Variants in SLC24A3 observed in about 807,000 individuals in gnomAD.
The protein encoded by SLC24A3 is sodium/potassium/calcium exchanger 3.
In SLC24A3, 28 loss-of-function variants were observed where a neutral mutation model predicts 75.8. That is an observed-to-expected ratio of 0.37 (90% CI 0.27 to 0.51). The LOEUF is 0.51. SLC24A3 is among the 20% of genes least tolerant of loss of function. The probability of loss-of-function intolerance (pLI) is 0.94; values close to 1 mark genes in which losing one functional copy is unlikely to be tolerated. For missense variants in SLC24A3, 663 were observed against 847.8 expected (o/e 0.78, Z 2.71); for synonymous variants, 372 against 334.1 (o/e 1.11, Z -1.24).
At chr20:19,601,927 T>A (rs1486426338) in intron 6 of SLC24A3, among the ~76,000 whole-genome samples, 1 of 152,160 alleles carries the variant, frequency 6.6e-6, no homozygotes, top group Non-Finnish European at 1.5e-5. Flanking sequence ...AATCCCAGCA[T>A]TTTAGGAGGC....
At chr20:19,519,420 C>T (rs2030060859) in intron 3 of SLC24A3, among the ~76,000 whole-genome samples, 1 of 152,186 alleles carries the variant, frequency 6.6e-6, no homozygotes, top group Non-Finnish European at 1.5e-5. Flanking sequence ...ACTTTCTGAA[C>T]ATCGCAGCTT....
At chr20:19,520,567 T>C (rs929419408) in intron 3 of SLC24A3, among the ~76,000 whole-genome samples, 2 of 152,160 alleles carry the variant, frequency 1.3e-5, no homozygotes, top group Non-Finnish European at 2.9e-5. Flanking sequence ...ATTCCGGAAG[T>C]CCAAGCAGGA....
intron 1 of SLC24A3, among the ~76,000 whole-genome samples, chr20:19,258,693 C>T (rs1210563695): frequency 6.8e-6 from 1 of 146,162 alleles, no homozygotes; most frequent in Non-Finnish European, 1.5e-5. Flanking sequence ...CAGAGTGAGA[C>T]TCTGTCTCCA....
intron 1 of SLC24A3, among the ~76,000 whole-genome samples, chr20:19,235,200 C>T (rs1159400404): frequency 6.6e-6 from 1 of 152,188 alleles, no homozygotes; most frequent in Non-Finnish European, 1.5e-5. Context: ...AGACCCTGGC[C>T]TGGAGCTGTA....
intron 2 of SLC24A3, among the ~76,000 whole-genome samples, chr20:19,331,142 A>G (rs1386189434): frequency 6.6e-6 from 1 of 152,228 alleles, no homozygotes; most frequent in East Asian, 1.9e-4. Context: ...AGTGCATATT[A>G]TCGGGTCAAT....
intron 3 of SLC24A3, among the ~76,000 whole-genome samples, chr20:19,539,653 A>T (rs185996026): frequency 1.3e-5 from 2 of 152,324 alleles, no homozygotes; most frequent in African/African-American, 2.4e-5. Context: ...GTCTCAACTG[A>T]CACTCCTATA....
At chr20:19,365,309 C>T (rs926065957) in intron 2 of SLC24A3, among the ~76,000 whole-genome samples, 1 of 152,168 alleles carries the variant, frequency 6.6e-6, no homozygotes, top group Non-Finnish European at 1.5e-5. Flanking sequence ...ACCCCATACC[C>T]AGTGAATCAG....
rs76815318 is a variant in SLC24A3, at chr20:19,596,130, G to A, written c.612+10586G>A. The stretch of plus-strand genomic sequence containing the variant: ...GGAGAGTTTTAAGCTGTTGACTACC[G>A]TTATGCAATTTATATTCTGGGAATA... On this transcript the variant is annotated intron_variant, in intron 6 of 16. Coordinates refer to ENST00000328041, the MANE Select transcript of SLC24A3 (RefSeq NM_020689.4). 3.8e-3 allele frequency among the ~76,000 whole-genome samples: 571 copies of A among 152,200 alleles called. 7 individuals are homozygous for A. Among genetic ancestry groups the A allele is most frequent in the African/African-American group, 0.013 (551 of 41,554 alleles).
At chr20:19,296,793 A>G (rs1984072196) in intron 2 of SLC24A3, among the ~76,000 whole-genome samples, 1 of 152,180 alleles carries the variant, frequency 6.6e-6, no homozygotes, top group East Asian at 1.9e-4. Flanking sequence ...CAGATTATAC[A>G]TTCTTCTTGG....
chr20:19,460,450 C>CG (rs1158015985), intron 2 of SLC24A3, among the ~76,000 whole-genome samples: 1 of 144,174 alleles, frequency 6.9e-6, no homozygotes, highest in East Asian at 2.0e-4. Context: ...GATTCTCTCA[C>CG]AGCTGAGTCC....
At chr20:19,365,385 A>G (rs1985869759) in intron 2 of SLC24A3, among the ~76,000 whole-genome samples, 1 of 152,164 alleles carries the variant, frequency 6.6e-6, no homozygotes, top group Non-Finnish European at 1.5e-5. Flanking sequence ...GGTTCTAGAT[A>G]CACAGCTGTA....
chr20:19,401,044 G>A (rs1385920021), intron 2 of SLC24A3, among the ~76,000 whole-genome samples: 1 of 152,032 alleles, frequency 6.6e-6, no homozygotes, highest in Non-Finnish European at 1.5e-5. Context: ...TGTGTGAGTT[G>A]CTCAACGTAA....
intron 3 of SLC24A3, among the ~76,000 whole-genome samples, chr20:19,572,042 G>A (rs538658406): frequency 2.0e-5 from 3 of 152,238 alleles, no homozygotes; most frequent in East Asian, 3.9e-4. Flanking sequence ...ACTAATAAAA[G>A]GTACATGACC....
At chr20:19,545,405 C>T (rs991248414) in intron 3 of SLC24A3, among the ~76,000 whole-genome samples, 1 of 152,218 alleles carries the variant, frequency 6.6e-6, no homozygotes, top group Non-Finnish European at 1.5e-5. Flanking sequence ...GGCATCCGCA[C>T]TTGGACAGAG....
At chr20:19,296,649 T>A (rs1265846038) in intron 2 of SLC24A3, among the ~76,000 whole-genome samples, 1 of 152,114 alleles carries the variant, frequency 6.6e-6, no homozygotes, top group Non-Finnish European at 1.5e-5. Flanking sequence ...ACAATAATAG[T>A]GGGAAACTTT....
At chr20:19,507,619 A>G (rs1490790853) in intron 2 of SLC24A3, among the ~76,000 whole-genome samples, 1 of 152,204 alleles carries the variant, frequency 6.6e-6, no homozygotes, top group Non-Finnish European at 1.5e-5. Context: ...CATGCAATCC[A>G]CATCATTTTG....
chr20:19,412,457 A>C (rs1986759829), intron 2 of SLC24A3, among the ~76,000 whole-genome samples: 2 of 152,044 alleles, frequency 1.3e-5, no homozygotes. Context: ...GAAGAAGAGG[A>C]AGAGTAAATA....
intron 6 of SLC24A3, among the ~76,000 whole-genome samples, chr20:19,639,667 GC>G (rs1383047008): frequency 2.6e-5 from 4 of 152,254 alleles, no homozygotes; most frequent in African/African-American, 9.6e-5. Flanking sequence ...GGGACTGGGT[GC>G]CGAGGAGCAG....
At chr20:19,284,865 T>A (rs1421107601) in intron 2 of SLC24A3, among the ~76,000 whole-genome samples, 1 of 152,228 alleles carries the variant, frequency 6.6e-6, no homozygotes, top group Non-Finnish European at 1.5e-5. Context: ...GATCTTCAAC[T>A]ACATTTATCC....
Sources: gnomAD v4.1 joint callset for allele counts (sites outside exome capture counted in the v4.1 genomes callset) on GRCh38, gnomAD v4.1.1 for gene constraint, MANE v1.5 for transcripts, NCBI Gene and HGNC (gene_info 2026-07-23, HGNC 2026-07-21) for gene names.